Variants in NBPF9 observed in about 807,000 individuals in gnomAD.
NBPF9 encodes the protein NBPF family member NBPF9.
In NBPF9, 91 loss-of-function variants were observed where a neutral mutation model predicts 97.8. The ratio of observed to expected loss-of-function variants is 0.93; its 90% CI spans 0.79 to 1.11. The LOEUF (loss-of-function observed/expected upper bound fraction) is 1.11, where lower values mean the gene tolerates loss of function less well. NBPF9 is among the 50% of genes least tolerant of loss of function. The pLI is 0.00. For synonymous variants in NBPF9, 334 were observed against 359.5 expected, an observed-to-expected ratio of 0.93 and a Z score of 0.80; for missense variants, 992 against 939.5, an observed-to-expected ratio of 1.06 and a Z score of -0.73.
intron 26 of NBPF9, 200 bp downstream of exon 26, chr1:149,058,725 G>A (rs1251728430): frequency 4.3e-6 from 2 of 459,796 alleles, no homozygotes; most frequent in African/African-American, 5.7e-5. Flanking sequence ...TGGAGACTAG[G>A]AATAGAGCCT....
chr1:149,082,239 G>T, intron 6 of NBPF9, 33 bp downstream of exon 6: 1 of 1,300,216 alleles, frequency 7.7e-7, no homozygotes, highest in Non-Finnish European at 1.1e-6. Flanking sequence ...GGTTTAATCA[G>T]GACTGAGGGA....
intron 3 of NBPF9, among the ~76,000 whole-genome samples, chr1:149,100,613 G>C (rs1553663067): frequency 6.6e-6 from 1 of 151,994 alleles, no homozygotes; most frequent in African/African-American, 2.4e-5. Flanking sequence ...AATGGTGCTG[G>C]ATCAAGCAGA....
chr1:149,070,919 G>A lies in NBPF9; in HGVS notation c.1585+15C>T, dbSNP rs369190421. 2.5e-6 allele frequency: 4 copies of A among 1,611,966 alleles called. No individual in the cohort carries two copies. The highest frequency in any genetic ancestry group is 1.7e-5 in the Admixed American group (1 of 59,996). ...CCTAGAGAGAGGTATGAGACACAAG[G>A]AAAACAGAGGCTACCTGGAATAATG... is the stretch of plus-strand genomic sequence containing the variant. On this transcript the variant is annotated intron_variant, in intron 16 of 29. Transcript: ENST00000584027.
At chr1:149,068,137 G>A (rs868944435) in intron 17 of NBPF9, among the ~76,000 whole-genome samples, 2 of 148,416 alleles carry the variant, frequency 1.3e-5, no homozygotes, top group African/African-American at 5.1e-5. Context: ...CACTAAACAT[G>A]GAAAGGAACA....
In NBPF9 at chr1:149,059,842, A is replaced by C; in HGVS notation, c.2477-34T>G. 1.3e-5 allele frequency: 7 copies of C among 531,704 alleles called. 3 individuals are homozygous for C. The South Asian group carries it at 1.4e-4, about 11-fold the overall frequency. 32.9% of individuals were successfully genotyped at this position (531,704 alleles called of 1,614,324 possible). A position where few individuals can be genotyped will look rare whatever the true frequency, so the allele number is the denominator to read the frequency against. On this transcript the variant is annotated intron_variant, in intron 24 of 29. Coordinates refer to ENST00000584027, the Ensembl canonical transcript of NBPF9. ...AATTCAGACATGGACAGACACATTAAGCTGATTCCCCTACACATATAACAA... is the reference window on the plus strand; with the variant it reads ...AATTCAGACATGGACAGACACATTACGCTGATTCCCCTACACATATAACAA...
At chr1:149,073,631 T>C in intron 13 of NBPF9, 137 bp downstream of exon 13, 2 of 720,544 alleles carry the variant, frequency 2.8e-6, no homozygotes, top group East Asian at 2.6e-5. Flanking sequence ...TGATAAATAT[T>C]TGTGTGTAGC....
chr1:149,100,040 G>C (rs2082045725), intron 3 of NBPF9, among the ~76,000 whole-genome samples: 1 of 144,592 alleles, frequency 6.9e-6, no homozygotes, highest in Non-Finnish European at 1.5e-5. Flanking sequence ...GAATACTATT[G>C]TTTACATCAT....
At chr1:149,075,371 A>G (rs1443405885) in intron 12 of NBPF9, among the ~76,000 whole-genome samples, 3 of 152,224 alleles carry the variant, frequency 2.0e-5, no homozygotes, top group Non-Finnish European at 1.5e-5. Context: ...TGAAAACACG[A>G]TTGAGCCTCT....
intron 29 of NBPF9, 150 bp from the exon 30 acceptor site, chr1:149,056,049 T>C: frequency 6.6e-7 from 1 of 1,522,660 alleles, no homozygotes; most frequent in Non-Finnish European, 8.9e-7. Flanking sequence ...ATTGCCTTTA[T>C]GTTGGGATAG....
At chr1:149,094,035 T>C (rs2081585454) in intron 4 of NBPF9, among the ~76,000 whole-genome samples, 1 of 150,656 alleles carries the variant, frequency 6.6e-6, no homozygotes, top group Non-Finnish European at 1.5e-5. Context: ...TTCAGGAGGC[T>C]GAGGCAGGAG....
At chr1:149,084,537 C>A (rs1483626704) in intron 5 of NBPF9, among the ~76,000 whole-genome samples, 2 of 147,944 alleles carry the variant, frequency 1.4e-5, no homozygotes, top group African/African-American at 2.5e-5. Context: ...CCGCCTCCCC[C>A]ACCCACCAGC....
intron 5 of NBPF9, among the ~76,000 whole-genome samples, chr1:149,087,935 T>C (rs1176023877): frequency 1.3e-5 from 2 of 148,796 alleles, no homozygotes; most frequent in Non-Finnish European, 3.0e-5. Flanking sequence ...CAGGTTCAAG[T>C]GATCCTCCTG....
chr1:149,065,557 T>G, exon 18 of NBPF9: 4 of 1,610,756 alleles, frequency 2.5e-6, no homozygotes, highest in Non-Finnish European at 3.4e-6. Flanking sequence ...AGACTTGCTG[T>G]TCCTCTAATG....
chr1:149,074,085 A>G (rs1172504306), intron 12 of NBPF9, among the ~76,000 whole-genome samples: 20,271 of 149,798 alleles, frequency 0.14, 2,328 homozygotes, highest in Admixed American at 0.21. Context: ...CCTCAAGGGC[A>G]CATCAAGGAA....
At chr1:149,073,999 T>C in intron 12 of NBPF9, 129 bp from the exon 13 acceptor site, 1 of 596,644 alleles carries the variant, frequency 1.7e-6, no homozygotes, top group South Asian at 2.0e-5. Context: ...TAGACAGGGA[T>C]TTCCACATCT....
chr1:149,064,313 A>G (rs1457025396), intron 19 of NBPF9, 118 bp downstream of exon 19: 3 of 778,612 alleles, frequency 3.9e-6, no homozygotes, highest in African/African-American at 2.5e-5. Context: ...TGTAGTAGGC[A>G]TAATTCATAC....
intron 16 of NBPF9, among the ~76,000 whole-genome samples, chr1:149,070,691 G>A (rs1559525800): frequency 6.6e-6 from 1 of 151,964 alleles, no homozygotes; most frequent in Non-Finnish European, 1.5e-5. Flanking sequence ...TACTGCCTGT[G>A]CACCTCCTGC....
Position 149,085,750 on chromosome 1 carries a change from T to A in NBPF9, c.-194-3320A>T, listed in dbSNP as rs1425977667. On this transcript the variant is annotated intron_variant, in intron 5 of 29. Transcript: ENST00000584027. ...TGCTAGTATGGAGAAATTAAGATGATGAAAACAACTTTATAAAGGCATAAT... is the reference window on the plus strand; with the variant it reads ...TGCTAGTATGGAGAAATTAAGATGAAGAAAACAACTTTATAAAGGCATAAT... Among the ~76,000 whole-genome samples, 6 of 151,424 alleles carry A rather than the reference T, an allele frequency of 4.0e-5. No homozygotes were observed. In the South Asian group the frequency reaches 1.1e-3, roughly 27 times the overall value.
exon 7 of NBPF9, chr1:149,082,133 C>T (rs1353842283): frequency 5.0e-6 from 8 of 1,611,934 alleles, no homozygotes; most frequent in Non-Finnish European, 6.8e-6. Context: ...CCGGCTGATA[C>T]CACCATGCTG....
Sources: allele counts gnomAD v4.1 joint callset (sites outside exome capture counted in the v4.1 genomes callset), GRCh38; gene constraint gnomAD v4.1.1; transcripts MANE v1.5; gene names NCBI Gene and HGNC (gene_info 2026-07-23, HGNC 2026-07-21).